CFAP99: variants seen among roughly 807,000 people sequenced by gnomAD.
CFAP99 encodes cilia- and flagella-associated protein 99.
Under a neutral mutation model 82.7 loss-of-function variants are expected in CFAP99, and 84 were observed. The ratio of observed to expected loss-of-function variants is 1.02; its 90% confidence interval spans 0.85 to 1.22. The LOEUF (loss-of-function observed/expected upper bound fraction) is 1.22. CFAP99 is among the 50% of genes most tolerant of loss of function. The probability of loss-of-function intolerance (pLI) is 0.00; values close to 1 mark genes in which losing one functional copy is unlikely to be tolerated. For synonymous variants in CFAP99, 456 were observed against 429.5 expected (o/e 1.06, Z -0.76); for missense variants, 1,059 against 983.5 (o/e 1.08, Z -1.03).
intron 14 of CFAP99, among the ~76,000 whole-genome samples, chr4:2,460,488 C>T (rs548841956): frequency 6.6e-6 from 1 of 152,338 alleles, no homozygotes; most frequent in South Asian, 2.1e-4. Flanking sequence ...TTGCACCCAG[C>T]TCATGGGTCC....
chr4:2,462,352 T>C lies in CFAP99; in HGVS notation c.1662-91T>C. 3.9e-6 allele frequency: 5 copies of C among 1,265,938 alleles called. No individual in the cohort carries two copies. The highest frequency in any genetic ancestry group is 5.1e-6 in the Non-Finnish European group (5 of 980,624). 78.4% of individuals were successfully genotyped at this position (1,265,938 alleles called of 1,614,324 possible). A position where few individuals can be genotyped will look rare whatever the true frequency, so the allele number is the denominator to read the frequency against. On this transcript the variant is annotated intron_variant, in intron 14 of 14. Coordinates refer to ENST00000635017, the Ensembl canonical transcript of CFAP99. This position sits in a 1 kb window ranked among gnomAD's most constrained non-coding sequence, Gnocchi z 4.1. ...GAACCTCTCCGGCTGCGTAGCTCCT[T>C]GCCCCCGCGTCGCTTGGACACGGGT...
At position 2,446,280 on chromosome 4, in the gene CFAP99, G is replaced by T. The variant is rs569465170; in HGVS notation, c.642+972G>T. Among the ~76,000 whole-genome samples, 7 of 152,262 alleles carry T rather than the reference G, an allele frequency of 4.6e-5. No homozygotes were observed. The highest frequency in any genetic ancestry group is 1.4e-4 in the African/African-American group (6 of 41,534). On this transcript the variant is annotated intron_variant, in intron 6 of 14. Coordinates refer to ENST00000635017, the Ensembl canonical transcript of CFAP99. The surrounding 1 kb of genome is among the most constrained non-coding windows in gnomAD (Gnocchi z 5.0). Reference sequence around the variant, plus strand: ...GGAGTTTAGAGTTGTTTAGTAATTTGTGGGCCTGCCTATTGTCTGCCTATT... The same window carrying T: ...GGAGTTTAGAGTTGTTTAGTAATTTTTGGGCCTGCCTATTGTCTGCCTATT...
chr4:2,434,299 C>T (rs146804149), intron 2 of CFAP99, among the ~76,000 whole-genome samples: 3 of 152,250 alleles, frequency 2.0e-5, no homozygotes, highest in Admixed American at 1.3e-4. Flanking sequence ...CTGTCAGCCT[C>T]GAAGCTGGCT....
intron 13 of CFAP99, 109 bp downstream of exon 13, chr4:2,459,367 C>A: frequency 7.8e-7 from 1 of 1,289,700 alleles, no homozygotes; most frequent in African/African-American, 1.5e-5. Context: ...GGTCTTGCAC[C>A]ACCTGAAACC....
At chr4:2,431,538 A>G (rs573658002) in intron 2 of CFAP99, among the ~76,000 whole-genome samples, 7 of 152,112 alleles carry the variant, frequency 4.6e-5, no homozygotes, top group Non-Finnish European at 8.8e-5. Flanking sequence ...ACCCAAGGTC[A>G]AGTCCAAGAA....
At chr4:2,459,834 G>A (rs544387646) in intron 13 of CFAP99, among the ~76,000 whole-genome samples, 2 of 152,374 alleles carry the variant, frequency 1.3e-5, no homozygotes, top group South Asian at 4.1e-4. Context: ...CCTCAGTCCA[G>A]CTGAGATGTG....
intron 11 of CFAP99, among the ~76,000 whole-genome samples, chr4:2,455,103 T>C (rs1404137660): frequency 1.3e-5 from 2 of 152,240 alleles, no homozygotes; most frequent in African/African-American, 4.8e-5. Context: ...TTTCGCCATG[T>C]TGCCCAGGCT....
chr4:2,452,451 C>T (rs1734328402), intron 11 of CFAP99, 105 bp downstream of exon 11: 1 of 1,217,174 alleles, frequency 8.2e-7, no homozygotes. Flanking sequence ...GTCCACAGCG[C>T]CCCCGTAGAA....
At chr4:2,452,428 A>C in intron 11 of CFAP99, 82 bp downstream of exon 11, 2 of 1,377,802 alleles carry the variant, frequency 1.5e-6, no homozygotes, top group Non-Finnish European at 2.0e-6. Context: ...CAGGGCTGGC[A>C]GTGGAGCTGA....
intron 1 of CFAP99, among the ~76,000 whole-genome samples, chr4:2,424,705 G>T (rs1053977254): frequency 6.6e-5 from 10 of 152,132 alleles, no homozygotes; most frequent in African/African-American, 2.4e-4. Context: ...TACCTGCATC[G>T]CAGCCTGGAA....
In CFAP99 at chr4:2,449,915, C is replaced by G; in HGVS notation, c.724-19C>G. 6.5e-7 allele frequency: 1 copy of G among 1,536,172 alleles called. No individual in the cohort carries two copies. The highest frequency in any genetic ancestry group is 8.7e-7 in the Non-Finnish European group (1 of 1,146,910). On this transcript the variant is annotated intron_variant, in intron 7 of 14. Coordinates refer to ENST00000635017, the Ensembl canonical transcript of CFAP99. ...GGGCAGAGGCTGGTGGGACTGGAGC[C>G]GCTGTGTCACTGTGGCAGGAGCTGC...
chr4:2,458,640 A>C (rs978739609), intron 11 of CFAP99, 83 bp from the exon 12 acceptor site: 75 of 1,462,938 alleles, frequency 5.1e-5, no homozygotes, highest in Non-Finnish European at 6.3e-5. Flanking sequence ...TTCAGACCTC[A>C]TGCTGCGCCC....
chr4:2,462,264 T>TG lies in CFAP99; in HGVS notation c.1662-177dup. On this transcript the variant is annotated intron_variant, in intron 14 of 14. Transcript: ENST00000635017. This position sits in a 1 kb window ranked among gnomAD's most constrained non-coding sequence, Gnocchi z 4.1. Reference sequence around the variant, plus strand: ...CCCAACCCCTCCAGCCCCTGAGCGGTGGTACTGTCTAGGAGCGCGCCGCGG... The same window carrying TG: ...CCCAACCCCTCCAGCCCCTGAGCGGTGGGTACTGTCTAGGAGCGCGCCGCGG... 1 of 491,184 alleles carries TG rather than the reference T, an allele frequency of 2.0e-6. No homozygotes were observed. Among genetic ancestry groups the TG allele is most frequent in the Non-Finnish European group, 3.4e-6 (1 of 291,450 alleles). The allele number at this position is 491,184 out of a possible 1,614,324, so 30.4% of individuals were successfully genotyped here. A position where few individuals can be genotyped will look rare whatever the true frequency, so the allele number is the denominator to read the frequency against.
Position 2,462,417 on chromosome 4 carries a change from C to A in CFAP99, c.1662-26C>A. On this transcript the variant is annotated intron_variant, in intron 14 of 14. Transcript: ENST00000635017. This position sits in a 1 kb window ranked among gnomAD's most constrained non-coding sequence, Gnocchi z 4.1. ...GGCCTGGGCCTCCCGCCGGCCTGCT[C>A]CTGAGCCCGCCGCGTCGCCCGCCAG... is the stretch of plus-strand genomic sequence containing the variant. 1 of 1,409,118 alleles carries A rather than the reference C, an allele frequency of 7.1e-7. No homozygotes were observed. 87.3% of individuals were successfully genotyped at this position (1,409,118 alleles called of 1,614,324 possible).
chr4:2,423,207 G>C (rs1733618827), intron 1 of CFAP99, among the ~76,000 whole-genome samples: 1 of 152,200 alleles, frequency 6.6e-6, no homozygotes, highest in African/African-American at 2.4e-5. Flanking sequence ...ATTGCCCCCT[G>C]GCTGTGTTAT....
At chr4:2,452,821 A>C (rs1253076926) in intron 11 of CFAP99, among the ~76,000 whole-genome samples, 1 of 152,188 alleles carries the variant, frequency 6.6e-6, no homozygotes, top group Non-Finnish European at 1.5e-5. Flanking sequence ...CCAGCACTTT[A>C]GGAGGCCAAG....
At chr4:2,443,163 T>C (rs1734089050) in exon 5 of CFAP99, 1 of 1,534,722 alleles carries the variant, frequency 6.5e-7, no homozygotes, top group Non-Finnish European at 8.7e-7. Context: ...CCTGCACCTG[T>C]GCTCATGGAT....
At chr4:2,451,090 G>T in intron 9 of CFAP99, 72 bp downstream of exon 9, 2 of 1,490,950 alleles carry the variant, frequency 1.3e-6, no homozygotes, top group South Asian at 2.4e-5. Context: ...TCTGCCCGTA[G>T]AGGCTCAGAT....
At chr4:2,449,554 GGCC>G in intron 6 of CFAP99, 113 bp from the exon 7 acceptor site, 1 of 897,410 alleles carries the variant, frequency 1.1e-6, no homozygotes, top group South Asian at 1.5e-5. Flanking sequence ...CTCCAATGCA[GGCC>G]GCCACCACCC....
Sources: allele counts gnomAD v4.1 joint callset (sites outside exome capture counted in the v4.1 genomes callset), GRCh38; gene constraint gnomAD v4.1.1; non-coding constraint Gnocchi (gnomAD v3.1); transcripts MANE v1.5; gene names NCBI Gene and HGNC (gene_info 2026-07-23, HGNC 2026-07-21).